The following ADAMTS7 variants were observed in gnomAD, a reference collection of about 807,000 sequenced individuals.
The protein encoded by ADAMTS7 is ADAM metallopeptidase with thrombospondin type 1 motif 7.
Under a neutral mutation model 172.6 loss-of-function variants are expected in ADAMTS7, and 89 were observed. The ratio of observed to expected loss-of-function variants is 0.52; its 90% CI spans 0.43 to 0.61. The LOEUF is 0.61. ADAMTS7 is among the 20% of genes least tolerant of loss of function. The pLI is 0.00. For synonymous variants in ADAMTS7, 885 were observed against 978.4 expected, an observed-to-expected ratio of 0.90 and a Z score of 1.78; for missense variants, 1,973 against 2,355.6, an observed-to-expected ratio of 0.84 and a Z score of 3.36.
At chr15:78,760,548 G>A (rs867333281) in intron 23 of ADAMTS7, among the ~76,000 whole-genome samples, 209 of 152,198 alleles carry the variant, frequency 1.4e-3, no homozygotes, top group African/African-American at 4.7e-3. Context: ...GTCGCCCGGG[G>A]TGACCTCAGA....
chr15:78,776,070 C>G, intron 11 of ADAMTS7, 118 bp downstream of exon 11: 1 of 1,357,822 alleles, frequency 7.4e-7, no homozygotes, highest in Non-Finnish European at 9.8e-7. Flanking sequence ...CTCGGACTGA[C>G]CATTATCAGG....
intron 1 of ADAMTS7, among the ~76,000 whole-genome samples, chr15:78,808,660 T>C (rs2055827604): frequency 1.3e-5 from 2 of 152,070 alleles, no homozygotes; most frequent in South Asian, 2.1e-4. Context: ...TCAGTAGAGA[T>C]GTTGGTGGCT....
At position 78,766,289 on chromosome 15, in the gene ADAMTS7, G is replaced by T. The variant is rs757250479; in HGVS notation, c.3622C>A (p.Pro1208Thr). The T allele has an allele frequency of 1.2e-6, 2 of 1,611,680 alleles. No individual in the cohort carries two copies. The highest frequency in any genetic ancestry group is 1.3e-5 in the African/African-American group (1 of 74,998). Residue 1208 changes from proline to threonine, a missense_variant, in exon 19 of 24, where the codon CCT (proline) becomes ACT (threonine). Coordinates refer to ENST00000388820, the MANE Select transcript of ADAMTS7 (RefSeq NM_014272.5). ...TCATTGGTCCTGTCCCGCCATGGAGGGGGCAGCTGGCTCTGGCTGTCCTTG... is the reference window on the plus strand; with the variant it reads ...TCATTGGTCCTGTCCCGCCATGGAGTGGGCAGCTGGCTCTGGCTGTCCTTG... ...VGKDSQSQLP[P>T]PWRDRTNEVF... is the part of the protein sequence containing the mutation.
intron 19 of ADAMTS7, chr15:78,764,915 C>T (rs1018577707): frequency 1.3e-5 from 7 of 524,702 alleles, no homozygotes; most frequent in African/African-American, 8.0e-5. Flanking sequence ...AGCAACCAGC[C>T]GTCCCTGCTC....
chr15:78,805,913 T>C (rs1434286132), intron 1 of ADAMTS7, among the ~76,000 whole-genome samples: 1 of 151,638 alleles, frequency 6.6e-6, no homozygotes, highest in East Asian at 1.9e-4. Flanking sequence ...AAATCCCATC[T>C]CTACAAAAAT....
At position 78,759,586 on chromosome 15, in the gene ADAMTS7, G is replaced by T. The variant is rs531188426; in HGVS notation, c.4904-8C>A. On this transcript the variant is annotated splice_polypyrimidine_tract_variant and splice_region_variant and intron_variant, in intron 23 of 23. Transcript: ENST00000388820. ...GGCGGTCCCGCTCACAGCCTGGAGT[G>T]GGGGGGCAGAGAGGCATCAGAACCA... The T allele has an allele frequency of 5.4e-5, 85 of 1,571,256 alleles. No homozygotes were observed. The South Asian group carries it at 5.6e-4, about 10-fold the overall frequency.
At chr15:78,776,063 G>A (rs1452364656) in intron 11 of ADAMTS7, 125 bp downstream of exon 11, 12 of 1,315,784 alleles carry the variant, frequency 9.1e-6, no homozygotes, top group Middle Eastern at 2.8e-4. Context: ...CTGGACACTC[G>A]GACTGACCAT....
chr15:78,790,973 G>C (rs1040413951), intron 5 of ADAMTS7, among the ~76,000 whole-genome samples, 167 bp downstream of exon 5: 3 of 152,212 alleles, frequency 2.0e-5, no homozygotes, highest in Non-Finnish European at 2.9e-5. Context: ...AGAGGACCTG[G>C]GACCTGAGAG....
rs149578928 is a variant in ADAMTS7 at position 78,798,034 on chromosome 15, T to C, written c.536A>G (p.Gln179Arg). The C allele has an allele frequency of 7.8e-5, 122 of 1,571,726 alleles. No individual in the cohort carries two copies. Among genetic ancestry groups the C allele is most frequent in the Middle Eastern group, 1.7e-4 (1 of 5,834 alleles). ...DSAPARPGHA[Q>R]PHVVYKRQAP... The stretch of plus-strand genomic sequence containing the variant: ...CTGACGCTTGTACACCACATGGGGC[T>C]GGGCGTGGCCAGGCCGGGCCGGGGC... Residue 179 changes from glutamine to arginine, a missense_variant, in exon 3 of 24, where the codon CAG becomes CGG. This residue lies in a region of ADAMTS7 where 306 missense variants were observed against 288.0 expected (regional missense o/e 1.06). Transcript: ENST00000388820.
Position 78,766,316 on chromosome 15 carries a change from C to T in ADAMTS7, c.3595G>A (p.Gly1199Ser), listed in dbSNP as rs749605019. The change falls in exon 19 of 24, where the codon GGC (glycine) becomes AGC (serine). Residue 1199 changes from glycine to serine, a missense_variant. By Grantham distance (56) the Gly-to-Ser change is moderately conservative. Coordinates refer to ENST00000388820, the MANE Select transcript of ADAMTS7 (RefSeq NM_014272.5). ...TPESQNDFPV[G>S]KDSQSQLPPP... The stretch of plus-strand genomic sequence containing the variant: ...GGCAGCTGGCTCTGGCTGTCCTTGC[C>T]AACTGGGAAATCATTTTGGCTCTCA... The T allele has an allele frequency of 2.0e-5, 32 of 1,611,188 alleles. No individual in the cohort carries two copies. The highest frequency in any genetic ancestry group is 2.5e-5 in the Non-Finnish European group (29 of 1,179,994).
chr15:78,771,087 C>T lies in ADAMTS7; in HGVS notation c.2518+75G>A. ...AAACCCGTGGTGGCCCAGCAGTGAG[C>T]TGGGAGCTGAAGCCAGTGTCCCTGT... On this transcript the variant is annotated intron_variant, in intron 16 of 23. Coordinates refer to ENST00000388820, the MANE Select transcript of ADAMTS7 (RefSeq NM_014272.5). This position sits in a 1 kb window ranked among gnomAD's most constrained non-coding sequence, Gnocchi z 4.9. The T allele has an allele frequency of 6.7e-7, 1 of 1,492,168 alleles. No individual in the cohort carries two copies. The allele number at this position is 1,492,168 out of a possible 1,614,324, so 92.4% of individuals were successfully genotyped here. A position where few individuals can be genotyped will look rare whatever the true frequency, so the allele number is the denominator to read the frequency against.
intron 14 of ADAMTS7, among the ~76,000 whole-genome samples, chr15:78,772,762 C>T (rs2055271649): frequency 6.6e-6 from 1 of 152,244 alleles, no homozygotes; most frequent in Non-Finnish European, 1.5e-5. Flanking sequence ...CAAAACAGAC[C>T]GGAGGTGAGG....
At position 78,767,597 on chromosome 15, in the gene ADAMTS7, C is replaced by A; in HGVS notation, c.2646-5G>T. On this transcript the variant is annotated splice_polypyrimidine_tract_variant and splice_region_variant and intron_variant, in intron 17 of 23. Coordinates refer to ENST00000388820, the MANE Select transcript of ADAMTS7 (RefSeq NM_014272.5). Reference sequence around the variant, plus strand: ...TGCCACTCACCTGCCCACCACCTGGCGAGGGCACACAGGTGGCATCAGTGT... The same window carrying A: ...TGCCACTCACCTGCCCACCACCTGGAGAGGGCACACAGGTGGCATCAGTGT... 2 of 1,534,344 alleles carry A rather than the reference C, an allele frequency of 1.3e-6. No individual in the cohort carries two copies. The highest frequency in any genetic ancestry group is 1.8e-6 in the Non-Finnish European group (2 of 1,138,034).
intron 4 of ADAMTS7, 137 bp downstream of exon 4, chr15:78,796,453 G>A (rs1456552498): frequency 1.0e-6 from 1 of 968,412 alleles, no homozygotes; most frequent in Admixed American, 2.3e-5. Flanking sequence ...TCAGGAGCTT[G>A]GATACCCTTC....
Position 78,767,436 on chromosome 15 carries a change from G to T in ADAMTS7, c.2802C>A (p.Thr934=). The T allele has an allele frequency of 6.2e-7, 1 of 1,611,850 alleles. No homozygotes were observed. The highest frequency in any genetic ancestry group is 1.1e-5 in the South Asian group (1 of 90,994). Residue 934 remains threonine (T), a synonymous_variant, in exon 18 of 24, where the codon ACC becomes ACA. Coordinates refer to ENST00000388820, the MANE Select transcript of ADAMTS7 (RefSeq NM_014272.5). ...CEHLPRPPTE[T]PCNRHVPCPA... ...GACAGGGTACATGGCGGTTGCAAGG[G>T]GTTTCAGTAGGGGGCCGGGGAAGGT...
At chr15:78,796,279 C>T (rs534829860) in intron 4 of ADAMTS7, among the ~76,000 whole-genome samples, 1 of 152,168 alleles carries the variant, frequency 6.6e-6, no homozygotes, top group Non-Finnish European at 1.5e-5. Flanking sequence ...AAGGACCCAA[C>T]TAGTCTACAA....
chr15:78,809,602 T>C (rs1408846289), intron 1 of ADAMTS7, among the ~76,000 whole-genome samples: 1 of 152,132 alleles, frequency 6.6e-6, no homozygotes, highest in Non-Finnish European at 1.5e-5. Flanking sequence ...ATATTCAATA[T>C]CTCATTTAAT....
rs559795033 is a variant in ADAMTS7, at chr15:78,760,996, C to T, written c.4903+1407G>A. 5.3e-5 allele frequency among the ~76,000 whole-genome samples: 8 copies of T among 152,284 alleles called. No homozygotes were observed. The East Asian group carries it at 1.5e-3, about 29-fold the overall frequency. On this transcript the variant is annotated intron_variant, in intron 23 of 23. Coordinates refer to ENST00000388820, the MANE Select transcript of ADAMTS7 (RefSeq NM_014272.5). Reference sequence around the variant, plus strand: ...CACTGGGATCATAACCACCCCGCTCCCTGTGGCCAGCCCTAGCCATAAAGG... The same window carrying T: ...CACTGGGATCATAACCACCCCGCTCTCTGTGGCCAGCCCTAGCCATAAAGG...
chr15:78,805,987 G>A (rs2055782283), intron 1 of ADAMTS7, among the ~76,000 whole-genome samples: 1 of 151,392 alleles, frequency 6.6e-6, no homozygotes, highest in African/African-American at 2.4e-5. Flanking sequence ...GGCTGAGGTG[G>A]GAGGATTACT....
Sources: gnomAD v4.1 joint callset for allele counts (sites outside exome capture counted in the v4.1 genomes callset) on GRCh38, gnomAD v4.1.1 for gene constraint, gnomAD v4.1.1 regional missense constraint, Gnocchi (gnomAD v3.1) non-coding constraint, MANE v1.5 for transcripts, NCBI Gene and HGNC (gene_info 2026-07-23, HGNC 2026-07-21) for gene names.